The following SUGCT variants were observed in gnomAD, a reference collection of about 807,000 sequenced individuals.
SUGCT encodes the protein succinyl-CoA:glutarate-CoA transferase, also known as succinyl-CoA:glutarate CoA-transferase.
A neutral mutation model predicts 55.0 loss-of-function variants in SUGCT; 41 were observed. The observed-to-expected ratio is 0.74, with a 90% CI of 0.58 to 0.97. The LOEUF (loss-of-function observed/expected upper bound fraction) is 0.97. Ranked by LOEUF, SUGCT falls within the 50% of genes least tolerant of loss-of-function variation. The probability of loss-of-function intolerance (pLI) is 0.00; values close to 1 mark genes in which losing one functional copy is unlikely to be tolerated. For missense variants in SUGCT, 568 were observed against 547.8 expected, an observed-to-expected ratio of 1.04 and a Z score of -0.37; for synonymous variants, 187 against 200.4, an observed-to-expected ratio of 0.93 and a Z score of 0.56.
At chr7:40,491,257 A>G (rs1265486959) in intron 11 of SUGCT, among the ~76,000 whole-genome samples, 2 of 152,198 alleles carry the variant, frequency 1.3e-5, no homozygotes, top group Non-Finnish European at 2.9e-5. Context: ...ATTGGAGGCA[A>G]TATGTTTTTA....
the SUGCT span, among the ~76,000 whole-genome samples, chr7:40,950,359 G>A: frequency 6.6e-6 from 1 of 152,206 alleles, no homozygotes; most frequent in Non-Finnish European, 1.5e-5. Flanking sequence ...ATTTTGGGCT[G>A]AGACGATGGG....
the SUGCT span, among the ~76,000 whole-genome samples, chr7:40,895,975 A>G: frequency 8.4e-3 from 1,282 of 152,332 alleles, 20 homozygotes; most frequent in African/African-American, 0.029. Context: ...TCTTGTATTT[A>G]ATATAGTACT....
intron 13 of SUGCT, among the ~76,000 whole-genome samples, chr7:40,809,602 G>C (rs1791297497): frequency 6.6e-6 from 1 of 152,010 alleles, no homozygotes; most frequent in Admixed American, 6.6e-5. Context: ...TGAGTCAACA[G>C]CTCATGAAGA....
At chr7:40,189,667 G>A (rs1042310839) in intron 5 of SUGCT, 73 bp downstream of exon 5, 65 of 775,990 alleles carry the variant, frequency 8.4e-5, no homozygotes, top group Admixed American at 2.7e-4. Context: ...GAGCAAAAGT[G>A]TTTTAAAACT....
At chr7:40,973,071 C>T in the SUGCT span, among the ~76,000 whole-genome samples, 2 of 152,122 alleles carry the variant, frequency 1.3e-5, no homozygotes, top group African/African-American at 4.8e-5. Flanking sequence ...AGAGCCATTT[C>T]CTGATTGGTG....
rs370999852 is a variant in SUGCT, at chr7:40,622,204, GT to G, written c.1089+125823del. On this transcript the variant is annotated intron_variant, in intron 12 of 13. Coordinates refer to ENST00000335693, the MANE Select transcript of SUGCT (RefSeq NM_001193313.2). ...ATGAGACGTGTGTCCCTTGGGGCAG[GT>G]TTTTGGAAATCAGTGTGCCAATTAG... Among the ~76,000 whole-genome samples, 445 of 152,328 alleles carry G rather than the reference GT, an allele frequency of 2.9e-3. 3 individuals are homozygous for G. The highest frequency in any genetic ancestry group is 9.9e-3 in the African/African-American group (410 of 41,578).
At chr7:40,910,373 G>T in the SUGCT span, among the ~76,000 whole-genome samples, 1 of 152,210 alleles carries the variant, frequency 6.6e-6, no homozygotes, top group South Asian at 2.1e-4. Context: ...AACTTAGGTT[G>T]GTACTTGCTA....
Position 40,860,277 on chromosome 7 carries a change from G to A in SUGCT, c.1154-39G>A, listed in dbSNP as rs750403821. The A allele has an allele frequency of 1.1e-5, 17 of 1,613,462 alleles. No individual in the cohort carries two copies. In the African/African-American group the frequency reaches 1.7e-4, roughly 16 times the overall value. ...TTAGGTAATTAATTTCGTAGGGTTA[G>A]TCATTAACAGGCTTCCTGCTTTCCT... On this transcript the variant is annotated intron_variant, in intron 13 of 13. Transcript: ENST00000335693.
At chr7:40,978,940 T>A in the SUGCT span, among the ~76,000 whole-genome samples, 2 of 152,108 alleles carry the variant, frequency 1.3e-5, no homozygotes, top group African/African-American at 4.8e-5. Context: ...CATGATTGGG[T>A]TTAGATTTAC....
chr7:40,460,483 A>G (rs1789734267), intron 11 of SUGCT, among the ~76,000 whole-genome samples: 1 of 152,204 alleles, frequency 6.6e-6, no homozygotes, highest in Non-Finnish European at 1.5e-5. Context: ...TTTGTAATTC[A>G]TATAATTAAT....
At chr7:40,476,669 T>G (rs979027297) in intron 11 of SUGCT, among the ~76,000 whole-genome samples, 3 of 152,198 alleles carry the variant, frequency 2.0e-5, no homozygotes, top group Admixed American at 2.0e-4. Flanking sequence ...ATTTTGATTT[T>G]TTTTGGCATT....
chr7:40,994,868 G>C, the SUGCT span, among the ~76,000 whole-genome samples: 2 of 152,094 alleles, frequency 1.3e-5, no homozygotes, highest in Non-Finnish European at 2.9e-5. Flanking sequence ...TCTCCCTTTT[G>C]CTGTTGCTCT....
downstream of SUGCT, among the ~76,000 whole-genome samples, chr7:40,864,716 TA>T (rs908162104): frequency 2.7e-5 from 4 of 150,140 alleles, no homozygotes; most frequent in African/African-American, 7.6e-5. Flanking sequence ...CAAATTTGAT[TA>T]GGGGGAAAGG....
intron 8 of SUGCT, 129 bp from the exon 9 acceptor site, chr7:40,316,630 TA>T: frequency 1.7e-6 from 1 of 574,848 alleles, no homozygotes. Flanking sequence ...GTATATTTTC[TA>T]ACTTGATGGA....
the SUGCT span, among the ~76,000 whole-genome samples, chr7:40,932,310 C>A: frequency 6.6e-6 from 1 of 152,080 alleles, no homozygotes; most frequent in Admixed American, 6.6e-5. Context: ...GATTTTTGTT[C>A]TTTTACATTT....
chr7:40,911,123 A>T, the SUGCT span, among the ~76,000 whole-genome samples: 6 of 152,142 alleles, frequency 3.9e-5, no homozygotes, highest in African/African-American at 1.4e-4. Context: ...CTGAATGCTT[A>T]TCCCAAAGTA....
the SUGCT span, among the ~76,000 whole-genome samples, chr7:41,014,844 A>G: frequency 1.3e-5 from 2 of 152,334 alleles, no homozygotes; most frequent in South Asian, 4.1e-4. Flanking sequence ...AACATAATTC[A>G]TGAGGGGCCT....
At chr7:40,881,828 C>T in the SUGCT span, among the ~76,000 whole-genome samples, 3 of 152,028 alleles carry the variant, frequency 2.0e-5, no homozygotes, top group Non-Finnish European at 4.4e-5. Context: ...CAGGGAAAGC[C>T]GAAGGAGGAG....
chr7:40,401,027 A>T (rs943093142), intron 9 of SUGCT, among the ~76,000 whole-genome samples: 6 of 152,096 alleles, frequency 3.9e-5, no homozygotes, highest in African/African-American at 7.2e-5. Flanking sequence ...TTTCATCTTC[A>T]TGTTACTCTT....
Sources: allele counts gnomAD v4.1 joint callset (sites outside exome capture counted in the v4.1 genomes callset), GRCh38; gene constraint gnomAD v4.1.1; transcripts MANE v1.5; gene names NCBI Gene and HGNC (gene_info 2026-07-23, HGNC 2026-07-21).